The following PARD3 variants were observed in gnomAD, a reference collection of about 807,000 sequenced individuals.
PARD3 encodes the protein partitioning defective 3 homolog.
Under a neutral mutation model 155.4 loss-of-function variants are expected in PARD3, and 75 were observed. The ratio of observed to expected loss-of-function variants is 0.48; its 90% CI spans 0.40 to 0.58. The LOEUF (loss-of-function observed/expected upper bound fraction) is 0.58. Among genes scored for constraint, PARD3 ranks in the 20% least tolerant of loss-of-function variants. PARD3 has a pLI of 0.00. For missense variants in PARD3, 1,642 were observed against 1,721.7 expected (o/e 0.95, Z 0.82); for synonymous variants, 576 against 610.5 (o/e 0.94, Z 0.83).
intron 22 of PARD3, among the ~76,000 whole-genome samples, chr10:34,132,618 TG>T (rs1947672513): frequency 6.6e-6 from 1 of 152,222 alleles, no homozygotes; most frequent in African/African-American, 2.4e-5. Flanking sequence ...ACAGCACTTT[TG>T]GTCTATGCCA....
At chr10:34,190,575 A>T (rs1950660163) in intron 22 of PARD3, among the ~76,000 whole-genome samples, 1 of 152,188 alleles carries the variant, frequency 6.6e-6, no homozygotes, top group South Asian at 2.1e-4. Context: ...TCCTGGGGCC[A>T]CAAAGTTTGA....
chr10:34,174,091 C>G (rs1949925497), intron 22 of PARD3, among the ~76,000 whole-genome samples: 1 of 152,180 alleles, frequency 6.6e-6, no homozygotes, highest in South Asian at 2.1e-4. Flanking sequence ...CGTTAAACCT[C>G]TGTGTCAGGG....
Position 34,562,151 on chromosome 10 carries a change from A to C in PARD3, c.223-44992T>G, listed in dbSNP as rs554359929. ...AAAAAAAAAAAAAAAAAAAAAAAAAAAGGCTTGTTGGGGGGTGGCTCATGC... is the reference window on the plus strand; with the variant it reads ...AAAAAAAAAAAAAAAAAAAAAAAAACAGGCTTGTTGGGGGGTGGCTCATGC... On this transcript the variant is annotated intron_variant, in intron 2 of 24. Transcript: ENST00000374788. 4.4e-4 allele frequency among the ~76,000 whole-genome samples: 55 copies of C among 123,954 alleles called. 1 individual carries two copies. The South Asian group carries it at 0.011, about 24-fold the overall frequency. The allele number at this position is 123,954 out of a possible 152,430, so 81.3% of individuals were successfully genotyped here.
At chr10:34,539,752 G>T (rs1212221114) in intron 2 of PARD3, among the ~76,000 whole-genome samples, 1 of 152,196 alleles carries the variant, frequency 6.6e-6, no homozygotes, top group Non-Finnish European at 1.5e-5. Context: ...CTACACAGTG[G>T]AAACACTATG....
At chr10:34,225,498 AC>A (rs1952548212) in intron 22 of PARD3, among the ~76,000 whole-genome samples, 2 of 152,212 alleles carry the variant, frequency 1.3e-5, no homozygotes, top group East Asian at 3.9e-4. Context: ...GGCACACGCC[AC>A]CACACCCAGC....
At chr10:34,186,236 T>G (rs1412947199) in intron 22 of PARD3, among the ~76,000 whole-genome samples, 2 of 151,790 alleles carry the variant, frequency 1.3e-5, no homozygotes, top group Non-Finnish European at 2.9e-5. Flanking sequence ...AGCTCACGCC[T>G]GTAATCCCAG....
intron 12 of PARD3, among the ~76,000 whole-genome samples, chr10:34,369,655 G>A (rs758735997): frequency 1.3e-5 from 2 of 152,208 alleles, no homozygotes; most frequent in Non-Finnish European, 2.9e-5. Context: ...TATATCTCCT[G>A]CAGGAAAAGA....
intron 22 of PARD3, among the ~76,000 whole-genome samples, chr10:34,211,975 G>T (rs1322259678): frequency 2.0e-5 from 3 of 150,542 alleles, no homozygotes; most frequent in African/African-American, 7.3e-5. Flanking sequence ...CCACTTTTTG[G>T]TATATCACGT....
intron 2 of PARD3, chr10:34,664,196 C>G (rs781053514): frequency 6.6e-6 from 1 of 152,122 alleles, no homozygotes; most frequent in African/African-American, 2.4e-5. Context: ...CAAAGGCAAT[C>G]GAAAACCTTT....
At chr10:34,782,337 T>G (rs1238502062) in intron 1 of PARD3, among the ~76,000 whole-genome samples, 1 of 152,172 alleles carries the variant, frequency 6.6e-6, no homozygotes, top group Non-Finnish European at 1.5e-5. Context: ...GAGCAAAATT[T>G]TAGAAAGGTT....
rs760400963 is a variant in PARD3, at chr10:34,269,643, C to A, written c.3419+14G>T. ...TGATTTGGAAGCAATACCACGATTG[C>A]CCCTGGCGCCTACCTGTCTACAGGT... is the stretch of plus-strand genomic sequence containing the variant. On this transcript the variant is annotated intron_variant, in intron 22 of 24. Transcript: ENST00000374788. The A allele has an allele frequency of 1.2e-5, 19 of 1,611,856 alleles. No individual in the cohort carries two copies. Among genetic ancestry groups the A allele is most frequent in the Non-Finnish European group, 1.5e-5 (18 of 1,178,376 alleles).
intron 2 of PARD3, among the ~76,000 whole-genome samples, chr10:34,691,348 C>T (rs1489702111): frequency 1.3e-5 from 2 of 152,098 alleles, no homozygotes; most frequent in Admixed American, 1.3e-4. Context: ...TCCCAATAGC[C>T]ACAAAAAGAA....
In PARD3 at chr10:34,676,431, A is replaced by G. The variant is rs1193543086; in HGVS notation, c.222+19887T>C. 2.0e-5 allele frequency among the ~76,000 whole-genome samples: 3 copies of G among 152,166 alleles called. No individual in the cohort carries two copies. In the East Asian group the frequency reaches 5.8e-4, roughly 29 times the overall value. The stretch of plus-strand genomic sequence containing the variant: ...AATGATCCAGGAATTTTGTACAAGA[A>G]GTCTACCTGATTCTTCGTCTACCCG... On this transcript the variant is annotated intron_variant, in intron 2 of 24. Coordinates refer to ENST00000374788, the MANE Select transcript of PARD3 (RefSeq NM_001184785.2).
At chr10:34,598,230 C>T (rs1331127940) in intron 2 of PARD3, among the ~76,000 whole-genome samples, 2 of 151,832 alleles carry the variant, frequency 1.3e-5, no homozygotes, top group Non-Finnish European at 2.9e-5. Flanking sequence ...TGAAGTTGCC[C>T]GCAGAATAAA....
intron 2 of PARD3, chr10:34,663,945 G>A (rs1157857599): frequency 1.3e-5 from 2 of 152,170 alleles, no homozygotes; most frequent in African/African-American, 4.8e-5. Flanking sequence ...ATGTTTAGGC[G>A]CCTCATTCAA....
intron 22 of PARD3, among the ~76,000 whole-genome samples, chr10:34,267,405 C>A (rs1271215847): frequency 6.6e-6 from 1 of 152,160 alleles, no homozygotes; most frequent in East Asian, 1.9e-4. Flanking sequence ...TCTAAATAAA[C>A]CATATGCCTC....
chr10:34,563,292 AC>A (rs2134081143), intron 2 of PARD3, among the ~76,000 whole-genome samples: 1 of 152,300 alleles, frequency 6.6e-6, no homozygotes, highest in Admixed American at 6.5e-5. Flanking sequence ...GGTTGAAGTC[AC>A]AGGCTGAAAA....
intron 2 of PARD3, among the ~76,000 whole-genome samples, chr10:34,609,973 T>C (rs138926147): frequency 7.9e-5 from 12 of 152,320 alleles, no homozygotes; most frequent in African/African-American, 2.6e-4. Flanking sequence ...TTAAGAGTAG[T>C]GAAATTTCTA....
chr10:34,209,898 C>A (rs767882168), intron 22 of PARD3, among the ~76,000 whole-genome samples: 1 of 152,004 alleles, frequency 6.6e-6, no homozygotes, highest in Non-Finnish European at 1.5e-5. Flanking sequence ...GGATAGAAAT[C>A]CAAAATAAGT....
Sources: allele counts gnomAD v4.1 joint callset (sites outside exome capture counted in the v4.1 genomes callset), GRCh38; gene constraint gnomAD v4.1.1; transcripts MANE v1.5; gene names NCBI Gene and HGNC (gene_info 2026-07-23, HGNC 2026-07-21).